Variants in SGCG observed in about 807,000 individuals in gnomAD.
The protein encoded by SGCG is sarcoglycan gamma.
Under a neutral mutation model 29.3 loss-of-function variants are expected in SGCG, and 26 were observed. That is an observed-to-expected ratio of 0.89 (90% CI 0.65 to 1.23). The LOEUF is 1.23. Among genes scored for constraint, SGCG ranks in the 50% most tolerant of loss-of-function variants. The pLI, the probability that SGCG is intolerant of heterozygous loss-of-function variation, is 0.00. For missense variants in SGCG, 353 were observed against 356.0 expected, an observed-to-expected ratio of 0.99 and a Z score of 0.07; for synonymous variants, 145 against 129.7, an observed-to-expected ratio of 1.12 and a Z score of -0.80.
At chr13:23,259,668 C>G (rs1373361493) in intron 4 of SGCG, among the ~76,000 whole-genome samples, 6 of 152,142 alleles carry the variant, frequency 3.9e-5, no homozygotes, top group Admixed American at 6.6e-5. Context: ...CCTGCTTTCT[C>G]TTGTGGGCAT....
At chr13:23,202,149 A>G (rs1247011361) in intron 1 of SGCG, among the ~76,000 whole-genome samples, 3 of 152,230 alleles carry the variant, frequency 2.0e-5, no homozygotes, top group African/African-American at 7.2e-5. Context: ...GTGGTAGTAG[A>G]TGAAGCCAAA....
intron 1 of SGCG, among the ~76,000 whole-genome samples, chr13:23,183,421 G>A (rs1261670748): frequency 1.3e-5 from 2 of 152,100 alleles, no homozygotes; most frequent in African/African-American, 2.4e-5. Context: ...GGAGACTCCA[G>A]GCTGAGGCTA....
chr13:23,276,520 C>T (rs138018150), intron 4 of SGCG, among the ~76,000 whole-genome samples: 4,234 of 143,600 alleles, frequency 0.029, 86 homozygotes, highest in Non-Finnish European at 0.034. Context: ...GCAACCTCCA[C>T]CTCCCGGGTT....
At chr13:23,209,785 A>T (rs985894616) in intron 2 of SGCG, among the ~76,000 whole-genome samples, 1 of 152,238 alleles carries the variant, frequency 6.6e-6, no homozygotes, top group Non-Finnish European at 1.5e-5. Context: ...GGTGAGGTGT[A>T]TTAAATGCAT....
chr13:23,271,145 G>C (rs770524499), intron 4 of SGCG, among the ~76,000 whole-genome samples: 10 of 152,142 alleles, frequency 6.6e-5, no homozygotes, highest in Non-Finnish European at 1.5e-4. Context: ...CTGAGAGGCA[G>C]AGGTTGCAGT....
intron 3 of SGCG, among the ~76,000 whole-genome samples, chr13:23,241,593 AGAG>A (rs1253214277): frequency 1.3e-5 from 2 of 152,236 alleles, no homozygotes; most frequent in African/African-American, 2.4e-5. Flanking sequence ...AACTTGAAGC[AGAG>A]GAGATTCTTC....
intron 3 of SGCG, among the ~76,000 whole-genome samples, chr13:23,239,885 G>A (rs1033952640): frequency 1.3e-5 from 2 of 152,066 alleles, no homozygotes; most frequent in African/African-American, 4.8e-5. Flanking sequence ...CCAAAAGGAG[G>A]CAAAGGAAAC....
chr13:23,290,593 A>G (rs1881666107), intron 5 of SGCG, among the ~76,000 whole-genome samples: 1 of 152,174 alleles, frequency 6.6e-6, no homozygotes, highest in Non-Finnish European at 1.5e-5. Flanking sequence ...AGTGGTTACA[A>G]AGTGAATAGG....
At chr13:23,219,631 CA>C (rs1241535475) in intron 2 of SGCG, among the ~76,000 whole-genome samples, 1 of 151,842 alleles carries the variant, frequency 6.6e-6, no homozygotes, top group Admixed American at 6.6e-5. Context: ...AATGTTCTCA[CA>C]ACAAAGAAAT....
In SGCG at chr13:23,189,067, G is replaced by A. The variant is rs531982917; in HGVS notation, c.-1+7992G>A. On this transcript the variant is annotated intron_variant, in intron 1 of 7. Coordinates refer to ENST00000218867, the MANE Select transcript of SGCG (RefSeq NM_000231.3). Reference sequence around the variant, plus strand: ...TCTGCCATTCTTCCTAGGATGTGGAGAGATGACGGGCGGTCATCCCCCGTC... The same window carrying A: ...TCTGCCATTCTTCCTAGGATGTGGAAAGATGACGGGCGGTCATCCCCCGTC... Among the ~76,000 whole-genome samples the A allele has an allele frequency of 2.4e-4, 36 of 152,344 alleles. No individual in the cohort carries two copies. The South Asian group carries it at 7.2e-3, about 31-fold the overall frequency.
intron 3 of SGCG, among the ~76,000 whole-genome samples, chr13:23,248,996 AG>A (rs1269538193): frequency 0.011 from 861 of 81,132 alleles, 17 homozygotes; most frequent in African/African-American, 0.028. Context: ...GTCACAGAAA[AG>A]AAAAAAAAAA....
intron 3 of SGCG, among the ~76,000 whole-genome samples, chr13:23,235,228 G>A (rs74754407): frequency 0.095 from 14,386 of 152,006 alleles, 824 homozygotes; most frequent in South Asian, 0.19. Flanking sequence ...GCATGGTGGC[G>A]TATGCCTGTA....
intron 1 of SGCG, among the ~76,000 whole-genome samples, chr13:23,188,966 A>G (rs1399741522): frequency 6.6e-6 from 1 of 152,170 alleles, no homozygotes; most frequent in Non-Finnish European, 1.5e-5. Flanking sequence ...CTGGTTTTCT[A>G]GAGGCCAGAT....
chr13:23,236,042 G>A (rs1163643104), intron 3 of SGCG, among the ~76,000 whole-genome samples: 1 of 152,136 alleles, frequency 6.6e-6, no homozygotes, highest in African/African-American at 2.4e-5. Flanking sequence ...TACTTCTGGG[G>A]CTATCTTATT....
chr13:23,283,720 T>C (rs1280931760), intron 5 of SGCG, among the ~76,000 whole-genome samples: 1 of 152,246 alleles, frequency 6.6e-6, no homozygotes, highest in African/African-American at 2.4e-5. Flanking sequence ...CAATGGTCTT[T>C]ACAATTTGGT....
At position 23,318,738 on chromosome 13, in the gene SGCG, C is replaced by T. The variant is rs9510697; in HGVS notation, c.579-1899C>T. Reference sequence around the variant, plus strand: ...TCTGGGTTGAACTGAAATTTCTCATCTCCAAGTCTAGAAATAATGCAAAGG... The same window carrying T: ...TCTGGGTTGAACTGAAATTTCTCATTTCCAAGTCTAGAAATAATGCAAAGG... On this transcript the variant is annotated intron_variant, in intron 6 of 7. Transcript: ENST00000218867. Among the ~76,000 whole-genome samples, 668 of 152,280 alleles carry T rather than the reference C, an allele frequency of 4.4e-3. 6 individuals are homozygous for T. The highest frequency in any genetic ancestry group is 7.6e-3 in the Non-Finnish European group (520 of 68,022).
In SGCG at chr13:23,216,495, T is replaced by C. The variant is rs2137520200; in HGVS notation, c.195+12606T>C. 2.0e-5 allele frequency among the ~76,000 whole-genome samples: 3 copies of C among 152,226 alleles called. No individual in the cohort carries two copies. In the South Asian group the frequency reaches 6.2e-4, roughly 32 times the overall value. ...AATTACTGAAGGGTTTGCAGACAGG[T>C]TGATGGAGCCAATATAACTGTAAAA... On this transcript the variant is annotated intron_variant, in intron 2 of 7. Transcript: ENST00000218867.
At chr13:23,255,150 A>T (rs185381796) in intron 4 of SGCG, among the ~76,000 whole-genome samples, 278 of 152,264 alleles carry the variant, frequency 1.8e-3, no homozygotes, top group African/African-American at 6.2e-3. Context: ...GCTACCAGAA[A>T]CTTGCATCTT....
At chr13:23,232,881 A>G (rs1305489154) in intron 2 of SGCG, among the ~76,000 whole-genome samples, 2 of 152,198 alleles carry the variant, frequency 1.3e-5, no homozygotes, top group Non-Finnish European at 2.9e-5. Context: ...ATAAAAATGG[A>G]TTCTTCCATG....
Sources: gnomAD v4.1 joint callset for allele counts (sites outside exome capture counted in the v4.1 genomes callset) on GRCh38, gnomAD v4.1.1 for gene constraint, MANE v1.5 for transcripts, NCBI Gene and HGNC (gene_info 2026-07-23, HGNC 2026-07-21) for gene names.